ATL3: variants seen among roughly 807,000 people sequenced by gnomAD.
ATL3 encodes the protein atlastin GTPase 3.
A neutral mutation model predicts 69.5 loss-of-function variants in ATL3; 49 were observed. That is an observed-to-expected ratio of 0.71 (90% CI 0.56 to 0.89). ATL3 has a LOEUF of 0.89. Ranked by LOEUF, ATL3 falls within the 40% of genes least tolerant of loss-of-function variation. ATL3 has a pLI of 0.00. For missense variants in ATL3, 606 were observed against 645.7 expected (o/e 0.94, Z 0.67); for synonymous variants, 214 against 224.1 (o/e 0.95, Z 0.40).
At chr11:63,668,550 A>G (rs1940655851) in intron 1 of ATL3, among the ~76,000 whole-genome samples, 1 of 152,104 alleles carries the variant, frequency 6.6e-6, no homozygotes, top group African/African-American at 2.4e-5. Flanking sequence ...GCTGAACAAA[A>G]CCATATTTTT....
intron 3 of ATL3, among the ~76,000 whole-genome samples, chr11:63,654,878 G>C (rs1189746778): frequency 6.8e-6 from 1 of 146,120 alleles, no homozygotes; most frequent in Non-Finnish European, 1.5e-5. Flanking sequence ...TGTATTTTTA[G>C]TTGAGCAAGA....
upstream of ATL3, chr11:63,671,646 G>A (rs754471302): frequency 4.4e-5 from 62 of 1,405,158 alleles, no homozygotes; most frequent in African/African-American, 7.0e-4. Context: ...CTGTTGGCGG[G>A]GCGCTGAGTG....
chr11:63,629,518 G>T, intron 12 of ATL3, 113 bp from the exon 13 acceptor site: 2 of 884,510 alleles, frequency 2.3e-6, no homozygotes, highest in Non-Finnish European at 1.8e-6. Context: ...GTTACAGAAA[G>T]CAGTTGAATG....
At chr11:63,665,973 G>C (rs536114194) in intron 1 of ATL3, among the ~76,000 whole-genome samples, 18 of 152,232 alleles carry the variant, frequency 1.2e-4, no homozygotes, top group African/African-American at 4.1e-4. Context: ...GTTAAATGGA[G>C]CTGCTTATAT....
intron 11 of ATL3, chr11:63,632,442 A>T: frequency 1.2e-6 from 1 of 832,968 alleles, no homozygotes. Flanking sequence ...CAAAAAGCCC[A>T]AGTGATCCAA....
Position 63,633,029 on chromosome 11 carries a change from T to C in ATL3, c.1104A>G (p.Glu368=). ...SAKDIYYNNM[E]EVCGGEKPYL... ...ATAAGGCGTATGTCCCACGTACCTC[T>C]TCCATGTTGTTATAATAAATGTCCT... is the stretch of plus-strand genomic sequence containing the variant. Residue 368 remains glutamate (E), a synonymous_variant, in exon 11 of 13, where the codon GAA becomes GAG. Transcript: ENST00000398868. 1 of 1,613,958 alleles carries C rather than the reference T, an allele frequency of 6.2e-7. No individual in the cohort carries two copies. The highest frequency in any genetic ancestry group is 1.1e-5 in the South Asian group (1 of 91,074).
chr11:63,650,333 T>G (rs77518348), intron 5 of ATL3, among the ~76,000 whole-genome samples: 14,678 of 152,278 alleles, frequency 0.096, 938 homozygotes, highest in Middle Eastern at 0.16. Flanking sequence ...AGATCTTTTT[T>G]AAGTTTATTC....
At chr11:63,661,601 G>GGCAA (rs1179373608) in intron 1 of ATL3, among the ~76,000 whole-genome samples, 10 of 151,794 alleles carry the variant, frequency 6.6e-5, no homozygotes, top group African/African-American at 2.4e-4. Flanking sequence ...GAGAAGAGAA[G>GGCAA]GCAAGGGGCC....
chr11:63,643,599 G>A lies in ATL3; in HGVS notation c.712-104C>T, dbSNP rs182010453. 44 of 1,009,526 alleles carry A rather than the reference G, an allele frequency of 4.4e-5. No homozygotes were observed. In the African/African-American group the frequency reaches 6.3e-4, roughly 14 times the overall value. 62.5% of individuals were successfully genotyped at this position (1,009,526 alleles called of 1,614,324 possible). A position where few individuals can be genotyped will look rare whatever the true frequency, so the allele number is the denominator to read the frequency against. On this transcript the variant is annotated intron_variant, in intron 7 of 12. Coordinates refer to ENST00000398868, the MANE Select transcript of ATL3 (RefSeq NM_015459.5). The stretch of plus-strand genomic sequence containing the variant: ...GGAAAGAAGACTCCTCAACTCTGAT[G>A]GATCATAGTGGCCAAATGAGAAAAC...
At chr11:63,641,402 G>A (rs1939697258) in intron 8 of ATL3, among the ~76,000 whole-genome samples, 1 of 152,130 alleles carries the variant, frequency 6.6e-6, no homozygotes, top group South Asian at 2.1e-4. Flanking sequence ...AATCTTATTT[G>A]GAAACAGTCT....
chr11:63,656,481 C>A (rs1940252216), intron 3 of ATL3, among the ~76,000 whole-genome samples: 1 of 151,712 alleles, frequency 6.6e-6, no homozygotes, highest in Admixed American at 6.6e-5. Context: ...TGCTTGTAAT[C>A]CCAGCACTTT....
At chr11:63,638,632 G>A (rs543663812) in intron 8 of ATL3, among the ~76,000 whole-genome samples, 5 of 152,040 alleles carry the variant, frequency 3.3e-5, no homozygotes, top group East Asian at 1.9e-4. Flanking sequence ...TTGAGCCCGG[G>A]AGGCGGAGGT....
At chr11:63,632,861 A>G in intron 11 of ATL3, 165 bp downstream of exon 11, 1 of 768,864 alleles carries the variant, frequency 1.3e-6, no homozygotes, top group South Asian at 1.8e-5. Flanking sequence ...CAAACAAACA[A>G]AGAAATGGTA....
At position 63,624,479 on chromosome 11, in the gene ATL3, T is replaced by C. The variant is rs1939038464; in HGVS notation, c.*4840A>G. The C allele has an allele frequency of 2.0e-5, 3 of 152,194 alleles. No individual in the cohort carries two copies. Among genetic ancestry groups the C allele is most frequent in the Non-Finnish European group, 4.4e-5 (3 of 68,038 alleles). The allele number at this position is 152,194 out of a possible 1,614,324, so 9.4% of individuals were successfully genotyped here. ...AAGCCCTTCTGTCCCTAGATCTGTT[T>C]TGCAAAGTTTCTGATATGGGGTACT... is the stretch of plus-strand genomic sequence containing the variant. On this transcript the variant is annotated 3_prime_UTR_variant, in exon 13 of 13. Coordinates refer to ENST00000398868, the MANE Select transcript of ATL3 (RefSeq NM_015459.5).
upstream of ATL3, chr11:63,671,603 T>C (rs760399352): frequency 1.6e-5 from 23 of 1,423,752 alleles, no homozygotes; most frequent in South Asian, 5.4e-5. Context: ...CGCCACCGCC[T>C]GCCGCGTGTG....
intron 7 of ATL3, 138 bp from the exon 8 acceptor site, chr11:63,643,633 C>T (rs186600537): frequency 4.2e-6 from 3 of 710,916 alleles, no homozygotes; most frequent in East Asian, 2.8e-5. Context: ...ACTCAGAACC[C>T]TAAGAAGCAA....
At chr11:63,671,654 G>A, upstream of ATL3, 1 of 1,398,574 alleles carries the variant, frequency 7.2e-7, no homozygotes, top group Non-Finnish European at 9.4e-7. Flanking sequence ...GGGGCGCTGA[G>A]TGCTACCGTC....
At chr11:63,653,312 CA>C (rs915101833) in intron 3 of ATL3, among the ~76,000 whole-genome samples, 10 of 151,542 alleles carry the variant, frequency 6.6e-5, no homozygotes, top group South Asian at 2.1e-4. Context: ...ACTAAAAATA[CA>C]AAAAAAATGG....
rs1363208885 is a variant in ATL3 at position 63,625,193 on chromosome 11, CAAAT to C, written c.*4122_*4125del. 2 of 151,830 alleles carry C rather than the reference CAAAT, an allele frequency of 1.3e-5. No homozygotes were observed. Among genetic ancestry groups the C allele is most frequent in the African/African-American group, 2.4e-5 (1 of 41,170 alleles). The allele number at this position is 151,830 out of a possible 1,614,324, so 9.4% of individuals were successfully genotyped here. A position where few individuals can be genotyped will look rare whatever the true frequency, so the allele number is the denominator to read the frequency against. ...ATGTCATTTTTAAAAATTAATCACA[CAAAT>C]AGTTTGTACTTTCATAACTGAAGCT... On this transcript the variant is annotated 3_prime_UTR_variant, in exon 13 of 13. Coordinates refer to ENST00000398868, the MANE Select transcript of ATL3 (RefSeq NM_015459.5).
Sources: allele counts gnomAD v4.1 joint callset (sites outside exome capture counted in the v4.1 genomes callset), GRCh38; gene constraint gnomAD v4.1.1; transcripts MANE v1.5; gene names NCBI Gene and HGNC (gene_info 2026-07-23, HGNC 2026-07-21).